MAGI1: variants seen among roughly 807,000 people sequenced by gnomAD.
MAGI1 encodes membrane-associated guanylate kinase, WW and PDZ domain-containing protein 1.
MAGI1 carries 58 observed loss-of-function variants against 139.9 expected under a neutral mutation model. The ratio of observed to expected loss-of-function variants is 0.41; its 90% CI spans 0.34 to 0.52. The LOEUF is 0.52. MAGI1 is among the 20% of genes least tolerant of loss of function. MAGI1 has a pLI of 0.12. For synonymous variants in MAGI1, 812 were observed against 737.9 expected (o/e 1.10, Z -1.63); for missense variants, 1,874 against 1,901.6 (o/e 0.99, Z 0.27).
chr3:65,683,936 A>C (rs912324925), intron 1 of MAGI1, among the ~76,000 whole-genome samples: 4 of 151,120 alleles, frequency 2.6e-5, no homozygotes, highest in African/African-American at 9.7e-5. Flanking sequence ...AGGCCAAGAA[A>C]GGTGGATCAC....
At chr3:65,574,686 C>G (rs1310480061) in intron 2 of MAGI1, among the ~76,000 whole-genome samples, 1 of 151,904 alleles carries the variant, frequency 6.6e-6, no homozygotes, top group African/African-American at 2.4e-5. Flanking sequence ...AGTTGGAAAA[C>G]TAATAGTACC....
chr3:65,600,483 G>C (rs950886432), intron 2 of MAGI1, among the ~76,000 whole-genome samples: 4 of 152,202 alleles, frequency 2.6e-5, no homozygotes, highest in African/African-American at 9.7e-5. Context: ...GTAGTATCTT[G>C]ACACACTCAA....
intron 1 of MAGI1, among the ~76,000 whole-genome samples, chr3:65,757,088 C>G (rs564269561): frequency 6.6e-6 from 1 of 152,216 alleles, no homozygotes; most frequent in Admixed American, 6.5e-5. Flanking sequence ...TAAAATCACT[C>G]AAGAGCCCTT....
At chr3:66,022,780 A>G (rs1461933460) in intron 1 of MAGI1, among the ~76,000 whole-genome samples, 1 of 152,214 alleles carries the variant, frequency 6.6e-6, no homozygotes, top group African/African-American at 2.4e-5. Flanking sequence ...AGCAATATGC[A>G]TTTATCACAT....
At chr3:65,896,460 C>T (rs997375160) in intron 1 of MAGI1, among the ~76,000 whole-genome samples, 2 of 152,088 alleles carry the variant, frequency 1.3e-5, no homozygotes, top group African/African-American at 2.4e-5. Flanking sequence ...AAGAAAACTA[C>T]GAATCATGTG....
chr3:65,686,050 A>C (rs534302719), intron 1 of MAGI1, among the ~76,000 whole-genome samples: 5 of 148,090 alleles, frequency 3.4e-5, no homozygotes, highest in Middle Eastern at 3.6e-3. Context: ...AACAGCAGAG[A>C]AAACACCTCC....
In MAGI1 at chr3:66,020,915, T is replaced by C. The variant is rs1012895376; in HGVS notation, c.313+17081A>G. On this transcript the variant is annotated intron_variant, in intron 1 of 22. Transcript: ENST00000402939. ...GGACAATGAGCGCACTACCATATGC[T>C]GAGCTTAAGAAAACTGTCATCGGTA... Among the ~76,000 whole-genome samples, 90 of 152,122 alleles carry C rather than the reference T, an allele frequency of 5.9e-4. 5 individuals are homozygous for C. Among genetic ancestry groups the C allele is most frequent in the Non-Finnish European group, 7.3e-5 (5 of 68,038 alleles).
chr3:65,562,019 A>G (rs1324693154), intron 2 of MAGI1, among the ~76,000 whole-genome samples: 1 of 152,198 alleles, frequency 6.6e-6, no homozygotes. Context: ...ATTACAGTAT[A>G]TCATTATAAT....
chr3:65,983,455 T>C (rs889345083), intron 1 of MAGI1, among the ~76,000 whole-genome samples: 1 of 152,212 alleles, frequency 6.6e-6, no homozygotes, highest in South Asian at 2.1e-4. Flanking sequence ...GACTTTTCTG[T>C]CTTTTAAAAT....
chr3:65,409,654 T>C (rs1391374439), intron 12 of MAGI1, among the ~76,000 whole-genome samples: 2 of 152,076 alleles, frequency 1.3e-5, no homozygotes, highest in African/African-American at 2.4e-5. Context: ...CTCCTTCTTC[T>C]GGCTAAATAC....
At chr3:66,016,890 C>T (rs546766355) in intron 1 of MAGI1, among the ~76,000 whole-genome samples, 1 of 152,246 alleles carries the variant, frequency 6.6e-6, no homozygotes, top group South Asian at 2.1e-4. Context: ...ATAAGCCAGT[C>T]GCAAAAGGGT....
intron 1 of MAGI1, among the ~76,000 whole-genome samples, chr3:65,808,571 C>T (rs938536743): frequency 6.6e-6 from 1 of 152,168 alleles, no homozygotes; most frequent in Non-Finnish European, 1.5e-5. Flanking sequence ...TCATTTACTT[C>T]CAGCACAATG....
intron 2 of MAGI1, among the ~76,000 whole-genome samples, chr3:65,605,066 A>G (rs1291686189): frequency 2.6e-5 from 4 of 152,368 alleles, no homozygotes; most frequent in South Asian, 2.1e-4. Flanking sequence ...GAGAAGAACC[A>G]TTCTACGACA....
intron 2 of MAGI1, among the ~76,000 whole-genome samples, chr3:65,511,198 T>A (rs1475562719): frequency 2.0e-5 from 3 of 150,408 alleles, no homozygotes; most frequent in South Asian, 2.1e-4. Flanking sequence ...TGCTGCAAAA[T>A]CATGCCAAAA....
intron 1 of MAGI1, among the ~76,000 whole-genome samples, chr3:66,012,574 T>A (rs564733846): frequency 1.3e-5 from 2 of 152,268 alleles, no homozygotes; most frequent in African/African-American, 4.8e-5. Flanking sequence ...GAGACCAGCC[T>A]GGCCAACATG....
Position 65,910,855 on chromosome 3 carries a change from CT to C in MAGI1, c.313+127140del, listed in dbSNP as rs397989928. Among the ~76,000 whole-genome samples the C allele has an allele frequency of 2.9e-4, 17 of 59,480 alleles. 1 individual carries two copies. Among genetic ancestry groups the C allele is most frequent in the South Asian group, 9.0e-4 (1 of 1,106 alleles). 39.0% of individuals were successfully genotyped at this position (59,480 alleles called of 152,430 possible). A position where few individuals can be genotyped will look rare whatever the true frequency, so the allele number is the denominator to read the frequency against. ...TGAGGCCTCTTTCAGACATGGTGGA[CT>C]TTTTTTTTTTTTTTTTTTTGAGATG... On this transcript the variant is annotated intron_variant, in intron 1 of 22. Transcript: ENST00000402939.
At chr3:65,984,512 A>ATGTGTGTGTGTGTGTGTGTG (rs34046056) in intron 1 of MAGI1, among the ~76,000 whole-genome samples, 15 of 140,472 alleles carry the variant, frequency 1.1e-4, no homozygotes, top group East Asian at 6.5e-4. Flanking sequence ...TCAAAATAAA[A>ATGTGTGTGTGTGTGTGTGTG]TGTGTGTGTG....
At chr3:65,461,729 C>T (rs1432568098) in intron 5 of MAGI1, among the ~76,000 whole-genome samples, 4 of 151,928 alleles carry the variant, frequency 2.6e-5, no homozygotes, top group Non-Finnish European at 1.5e-5. Context: ...ACCTCATGAT[C>T]CACCTGCCTC....
At chr3:65,641,278 A>T (rs2084968937) in intron 1 of MAGI1, among the ~76,000 whole-genome samples, 1 of 152,164 alleles carries the variant, frequency 6.6e-6, no homozygotes, top group South Asian at 2.1e-4. Context: ...TCAGAGTGGA[A>T]GTGGCAACCG....
Sources: gnomAD v4.1 joint callset for allele counts (sites outside exome capture counted in the v4.1 genomes callset) on GRCh38, gnomAD v4.1.1 for gene constraint, MANE v1.5 for transcripts, NCBI Gene and HGNC (gene_info 2026-07-23, HGNC 2026-07-21) for gene names.